CSMD1: variants seen among roughly 807,000 people sequenced by gnomAD.
The protein encoded by CSMD1 is CUB and sushi domain-containing protein 1.
Under a neutral mutation model 417.5 loss-of-function variants are expected in CSMD1, and 213 were observed. That is an observed-to-expected ratio of 0.51 (90% CI 0.46 to 0.57). The LOEUF (loss-of-function observed/expected upper bound fraction) is 0.57. CSMD1 is among the 20% of genes least tolerant of loss of function. CSMD1 has a pLI of 0.00. For missense variants in CSMD1, 6,923 were observed against 4,529.7 expected (o/e 1.53, Z -15.17); for synonymous variants, 2,862 against 1,736.8 (o/e 1.65, Z -16.11).
chr8:3,262,192 T>TGAATTATGCTC (rs1801123316), intron 26 of CSMD1, among the ~76,000 whole-genome samples: 1 of 63,058 alleles, frequency 1.6e-5, no homozygotes, highest in Non-Finnish European at 3.4e-5. Context: ...TGAATATATA[T>TGAATTATGCTC]ATATATATAT....
intron 2 of CSMD1, among the ~76,000 whole-genome samples, chr8:4,521,766 C>A (rs944306699): frequency 7.2e-5 from 11 of 152,138 alleles, no homozygotes; most frequent in Non-Finnish European, 1.5e-4. Flanking sequence ...AGAGAAAGCT[C>A]TTCACTGGAT....
chr8:4,601,645 T>A (rs1563324697), intron 2 of CSMD1, among the ~76,000 whole-genome samples: 3 of 152,216 alleles, frequency 2.0e-5, no homozygotes, highest in African/African-American at 7.2e-5. Flanking sequence ...ATGGCGGATG[T>A]CTCATTTTTG....
chr8:3,923,542 G>T (rs1040035377), intron 5 of CSMD1, among the ~76,000 whole-genome samples: 1 of 152,112 alleles, frequency 6.6e-6, no homozygotes, highest in African/African-American at 2.4e-5. Flanking sequence ...TTCCCACACA[G>T]AACAGGATAC....
chr8:3,541,594 A>T (rs1433696435), intron 10 of CSMD1, among the ~76,000 whole-genome samples: 1 of 149,712 alleles, frequency 6.7e-6, no homozygotes, highest in Non-Finnish European at 1.5e-5. Context: ...ATAAAAATAA[A>T]ATACTCTAAA....
At chr8:4,970,179 G>C (rs908240679) in intron 1 of CSMD1, among the ~76,000 whole-genome samples, 10 of 151,828 alleles carry the variant, frequency 6.6e-5, no homozygotes, top group African/African-American at 2.2e-4. Context: ...ACAGTGTAGA[G>C]GGAGAACTTG....
chr8:3,497,574 T>G (rs1330394908), intron 10 of CSMD1, among the ~76,000 whole-genome samples: 1 of 152,146 alleles, frequency 6.6e-6, no homozygotes, highest in African/African-American at 2.4e-5. Flanking sequence ...CATTTCACAT[T>G]TTTTCACTTA....
chr8:4,083,951 A>G (rs1355125393), intron 3 of CSMD1, among the ~76,000 whole-genome samples: 2 of 152,208 alleles, frequency 1.3e-5, no homozygotes, highest in African/African-American at 2.4e-5. Context: ...ACATCTGACA[A>G]AGGGCTAATA....
rs935940564 is a variant in CSMD1 at position 3,820,205 on chromosome 8, G to A, written c.819-66163C>T. Among the ~76,000 whole-genome samples the A allele has an allele frequency of 5.9e-5, 9 of 152,088 alleles. No homozygotes were observed. The East Asian group carries it at 1.5e-3, about 26-fold the overall frequency. On this transcript the variant is annotated intron_variant, in intron 5 of 69. Transcript: ENST00000635120. The stretch of plus-strand genomic sequence containing the variant: ...GTGCTGGGTGCTATATATAAACCAT[G>A]TTTGTTGAGGTCAGGGGTCAGCCAT...
At chr8:4,983,866 A>G (rs1811031602) in intron 1 of CSMD1, among the ~76,000 whole-genome samples, 2 of 152,100 alleles carry the variant, frequency 1.3e-5, no homozygotes, top group Non-Finnish European at 2.9e-5. Context: ...GGACTCAAAG[A>G]TGGGTGGGCT....
At chr8:4,830,389 C>G (rs778851083) in intron 1 of CSMD1, among the ~76,000 whole-genome samples, 1 of 152,172 alleles carries the variant, frequency 6.6e-6, no homozygotes, top group African/African-American at 2.4e-5. Flanking sequence ...TAACACTTAT[C>G]TGTAAAATAA....
intron 37 of CSMD1, among the ~76,000 whole-genome samples, chr8:3,171,784 T>C (rs1032911013): frequency 2.0e-5 from 3 of 152,228 alleles, no homozygotes; most frequent in Admixed American, 2.0e-4. Flanking sequence ...TAGCTCTCTA[T>C]TGAAATACAT....
At chr8:4,107,144 T>C (rs1311040655) in intron 3 of CSMD1, among the ~76,000 whole-genome samples, 1 of 152,170 alleles carries the variant, frequency 6.6e-6, no homozygotes, top group Non-Finnish European at 1.5e-5. Flanking sequence ...CTGGTTCTAC[T>C]ACACACAATT....
intron 10 of CSMD1, among the ~76,000 whole-genome samples, chr8:3,508,880 G>C (rs563794565): frequency 2.0e-5 from 3 of 152,278 alleles, no homozygotes; most frequent in Middle Eastern, 3.4e-3. Context: ...ACCAGTTAGA[G>C]CCATGAGACA....
At chr8:4,164,316 A>T (rs1256804657) in intron 3 of CSMD1, among the ~76,000 whole-genome samples, 2 of 152,214 alleles carry the variant, frequency 1.3e-5, no homozygotes, top group Non-Finnish European at 2.9e-5. Context: ...ATCCATCTAC[A>T]TTTAAAAACA....
chr8:3,963,044 C>T (rs1249935184), intron 5 of CSMD1, among the ~76,000 whole-genome samples: 1 of 152,144 alleles, frequency 6.6e-6, no homozygotes, highest in Non-Finnish European at 1.5e-5. Flanking sequence ...TCAAGCAATT[C>T]TCCTGCCTCA....
At chr8:3,301,402 G>C (rs1012355435) in intron 25 of CSMD1, among the ~76,000 whole-genome samples, 1 of 152,106 alleles carries the variant, frequency 6.6e-6, no homozygotes, top group South Asian at 2.1e-4. Context: ...ACTTGCCCTG[G>C]AGGTCTTGAC....
At chr8:4,058,214 C>T (rs867949005) in intron 3 of CSMD1, among the ~76,000 whole-genome samples, 6 of 151,998 alleles carry the variant, frequency 3.9e-5, no homozygotes, top group African/African-American at 1.4e-4. Flanking sequence ...TTTCATTGAG[C>T]AGTGGTTTGT....
intron 63 of CSMD1, among the ~76,000 whole-genome samples, chr8:2,956,057 T>C (rs886934292): frequency 2.7e-4 from 41 of 152,152 alleles, no homozygotes; most frequent in African/African-American, 9.9e-4. Context: ...TATTTATACA[T>C]AGGTAATTAT....
intron 1 of CSMD1, among the ~76,000 whole-genome samples, chr8:4,758,364 C>A (rs1363884460): frequency 1.3e-5 from 2 of 152,124 alleles, no homozygotes; most frequent in Non-Finnish European, 2.9e-5. Context: ...ATGTATTATG[C>A]ATTTTCAAGT....
Sources: gnomAD v4.1 joint callset for allele counts (sites outside exome capture counted in the v4.1 genomes callset) on GRCh38, gnomAD v4.1.1 for gene constraint, MANE v1.5 for transcripts, NCBI Gene and HGNC (gene_info 2026-07-23, HGNC 2026-07-21) for gene names.